The following ELMO1 variants were observed in gnomAD, a reference collection of about 807,000 sequenced individuals.
ELMO1 encodes the protein engulfment and cell motility 1.
In ELMO1, 26 loss-of-function variants were observed where a neutral mutation model predicts 98.9. The observed-to-expected ratio is 0.26, with a 90% confidence interval of 0.19 to 0.36. The LOEUF is 0.36. ELMO1 is among the 10% of genes least tolerant of loss of function. The pLI is 1.00. For synonymous variants in ELMO1, 346 were observed against 346.0 expected (o/e 1.00, Z 0.00); for missense variants, 627 against 935.2 (o/e 0.67, Z 4.30).
At chr7:36,971,709 G>A (rs1449029828) in intron 16 of ELMO1, among the ~76,000 whole-genome samples, 2 of 152,166 alleles carry the variant, frequency 1.3e-5, no homozygotes, top group African/African-American at 4.8e-5. Flanking sequence ...TTTGTCCAGA[G>A]GCTAATTAGC....
At chr7:37,171,183 A>G (rs1384349000) in intron 13 of ELMO1, among the ~76,000 whole-genome samples, 1 of 152,084 alleles carries the variant, frequency 6.6e-6, no homozygotes, top group African/African-American at 2.4e-5. Context: ...ATGCCTATAT[A>G]TCGTTAAGTC....
intron 11 of ELMO1, among the ~76,000 whole-genome samples, chr7:37,216,227 C>T (rs1054297): frequency 2.0e-4 from 31 of 151,266 alleles, no homozygotes; most frequent in African/African-American, 6.8e-4. Flanking sequence ...CTCTTGCATG[C>T]GGGCCCCCAA....
chr7:37,202,633 A>G (rs1332760220), intron 13 of ELMO1, among the ~76,000 whole-genome samples: 1 of 152,250 alleles, frequency 6.6e-6, no homozygotes, highest in Non-Finnish European at 1.5e-5. Flanking sequence ...ACAGTAAGTT[A>G]TAATACTTCC....
chr7:37,227,605 C>T (rs562901311), intron 8 of ELMO1, among the ~76,000 whole-genome samples: 12 of 152,060 alleles, frequency 7.9e-5, no homozygotes, highest in Admixed American at 6.6e-5. Flanking sequence ...AGGCTGATAT[C>T]GAACTCCTGA....
At chr7:37,307,217 G>A (rs1033996339) in intron 4 of ELMO1, among the ~76,000 whole-genome samples, 2 of 152,184 alleles carry the variant, frequency 1.3e-5, no homozygotes, top group African/African-American at 4.8e-5. Flanking sequence ...TGTTTTGGCT[G>A]TGTCTCCACC....
At chr7:37,178,821 A>G (rs186580645) in intron 13 of ELMO1, among the ~76,000 whole-genome samples, 2 of 152,340 alleles carry the variant, frequency 1.3e-5, no homozygotes, top group Admixed American at 1.3e-4. Context: ...AGAACAGTCT[A>G]CAAAACACAT....
rs113872979 is a variant in ELMO1, at chr7:37,035,668, A to T, written c.1301-22233T>A. ...TTTGCTTCTTGGAAGCACTTCCAGC[A>T]TGATTAGTGGTACTTCCTATGGGTC... On this transcript the variant is annotated intron_variant, in intron 15 of 21. Transcript: ENST00000310758. Among the ~76,000 whole-genome samples, 281 of 152,338 alleles carry T rather than the reference A, an allele frequency of 1.8e-3. 1 individual carries two copies. Among genetic ancestry groups the T allele is most frequent in the African/African-American group, 5.2e-3 (215 of 41,578 alleles).
At chr7:37,151,958 C>A (rs1788394260) in intron 13 of ELMO1, among the ~76,000 whole-genome samples, 1 of 152,102 alleles carries the variant, frequency 6.6e-6, no homozygotes, top group African/African-American at 2.4e-5. Flanking sequence ...CTGTGCCTTT[C>A]CCAGCCCTGA....
intron 2 of ELMO1, among the ~76,000 whole-genome samples, chr7:37,320,769 A>G (rs1489295571): frequency 6.6e-6 from 1 of 151,880 alleles, no homozygotes; most frequent in Non-Finnish European, 1.5e-5. Context: ...GACTCAATAC[A>G]CCTCTGCTAA....
At chr7:37,317,832 T>C (rs1338094659) in intron 2 of ELMO1, among the ~76,000 whole-genome samples, 1 of 152,212 alleles carries the variant, frequency 6.6e-6, no homozygotes, top group Non-Finnish European at 1.5e-5. Flanking sequence ...TATAACTGGA[T>C]TGTTTGTAAC....
At chr7:37,149,860 T>C (rs541577330) in intron 13 of ELMO1, among the ~76,000 whole-genome samples, 2 of 152,334 alleles carry the variant, frequency 1.3e-5, no homozygotes, top group Admixed American at 1.3e-4. Context: ...AACAACACAG[T>C]GGCCCCTTTG....
chr7:37,342,720 G>T lies in ELMO1; in HGVS notation c.-30C>A, dbSNP rs371951449. 2.5e-5 allele frequency: 40 copies of T among 1,592,520 alleles called. No homozygotes were observed. The highest frequency in any genetic ancestry group is 3.3e-5 in the Non-Finnish European group (39 of 1,168,822). On this transcript the variant is annotated 5_prime_UTR_variant, in exon 2 of 22. Transcript: ENST00000310758. This position sits in a 1 kb window ranked among gnomAD's most constrained non-coding sequence, Gnocchi z 4.3. ...AGTCCCCAAAATGTTCAAAGCCAGT[G>T]GGAATGAGGATCCTACAGCGTAAAC...
chr7:37,250,796 A>C (rs1262709716), intron 6 of ELMO1, among the ~76,000 whole-genome samples: 2 of 149,182 alleles, frequency 1.3e-5, no homozygotes, highest in East Asian at 3.9e-4. Context: ...CGTCTCAAAA[A>C]AAAAAAAAAA....
At chr7:37,221,165 C>T (rs1184277117) in intron 10 of ELMO1, among the ~76,000 whole-genome samples, 2 of 152,122 alleles carry the variant, frequency 1.3e-5, no homozygotes, top group South Asian at 2.1e-4. Flanking sequence ...CTGGCTCCAG[C>T]GAACACCAAA....
At chr7:36,893,463 C>T (rs545286130) in intron 17 of ELMO1, among the ~76,000 whole-genome samples, 10 of 152,304 alleles carry the variant, frequency 6.6e-5, no homozygotes, top group African/African-American at 1.7e-4. Flanking sequence ...GAAGCCAAAG[C>T]GCCTTGGAAG....
At chr7:36,990,817 A>G (rs543846988) in intron 16 of ELMO1, among the ~76,000 whole-genome samples, 6 of 152,230 alleles carry the variant, frequency 3.9e-5, no homozygotes, top group Non-Finnish European at 7.3e-5. Flanking sequence ...AATAAAAAAT[A>G]TGGTGACTAT....
intron 1 of ELMO1, among the ~76,000 whole-genome samples, chr7:37,354,028 C>T (rs1280447574): frequency 6.6e-6 from 1 of 152,220 alleles, no homozygotes; most frequent in Admixed American, 6.5e-5. Flanking sequence ...TCTTAAAGAT[C>T]TCCCTGACCT....
At chr7:37,345,882 G>C (rs377147380) in intron 1 of ELMO1, among the ~76,000 whole-genome samples, 11 of 142,900 alleles carry the variant, frequency 7.7e-5, no homozygotes, top group Admixed American at 1.4e-4. Flanking sequence ...CCAGCTACTC[G>C]GGAGGCTGAG....
At chr7:37,384,032 G>A (rs1446365726) in intron 1 of ELMO1, among the ~76,000 whole-genome samples, 1 of 152,130 alleles carries the variant, frequency 6.6e-6, no homozygotes, top group African/African-American at 2.4e-5. Context: ...AGCCAGGATG[G>A]TCTCGATCTC....
Sources: gnomAD v4.1 joint callset for allele counts (sites outside exome capture counted in the v4.1 genomes callset) on GRCh38, gnomAD v4.1.1 for gene constraint, Gnocchi (gnomAD v3.1) non-coding constraint, MANE v1.5 for transcripts, NCBI Gene and HGNC (gene_info 2026-07-23, HGNC 2026-07-21) for gene names.